The following LHPP variants were observed in gnomAD, a reference collection of about 807,000 sequenced individuals.
The protein encoded by LHPP is hLHPP.
LHPP carries 24 observed loss-of-function variants against 30.3 expected under a neutral mutation model. The observed-to-expected ratio is 0.79, with a 90% confidence interval of 0.57 to 1.11. The LOEUF (loss-of-function observed/expected upper bound fraction) is 1.11. Ranked by LOEUF, LHPP falls within the 50% of genes most tolerant of loss-of-function variation. LHPP has a pLI of 0.00. For synonymous variants in LHPP, 150 were observed against 157.1 expected (o/e 0.95, Z 0.34); for missense variants, 356 against 367.2 (o/e 0.97, Z 0.25).
At chr10:124,611,115 G>A (rs1228162154) in intron 6 of LHPP, among the ~76,000 whole-genome samples, 4 of 151,932 alleles carry the variant, frequency 2.6e-5, no homozygotes, top group African/African-American at 9.7e-5. Flanking sequence ...GCTCATTCAG[G>A]AGCAGCAGAG....
intron 6 of LHPP, among the ~76,000 whole-genome samples, chr10:124,604,975 G>A (rs542140789): frequency 3.3e-5 from 5 of 152,350 alleles, no homozygotes; most frequent in South Asian, 4.1e-4. Flanking sequence ...AGAGCCCCTC[G>A]GGGAGAGGCC....
At chr10:124,530,780 G>A (rs926210330) in intron 6 of LHPP, among the ~76,000 whole-genome samples, 1 of 152,190 alleles carries the variant, frequency 6.6e-6, no homozygotes, top group South Asian at 2.1e-4. Flanking sequence ...CACCCTTCAC[G>A]GGTGCAGACG....
At chr10:124,604,740 A>G (rs35837782) in intron 6 of LHPP, among the ~76,000 whole-genome samples, 96,072 of 152,174 alleles carry the variant, frequency 0.63, 30,618 homozygotes, top group African/African-American at 0.65. Context: ...GCCAGTGCCC[A>G]GATCCCTGAA....
chr10:124,485,395 G>A (rs1953293629), intron 2 of LHPP, among the ~76,000 whole-genome samples: 1 of 151,960 alleles, frequency 6.6e-6, no homozygotes, highest in Admixed American at 6.6e-5. Flanking sequence ...CAGTGAATCA[G>A]ACAAGCAGAC....
intron 6 of LHPP, among the ~76,000 whole-genome samples, chr10:124,579,170 C>T (rs779537083): frequency 3.3e-5 from 5 of 152,202 alleles, no homozygotes; most frequent in Non-Finnish European, 7.3e-5. Context: ...ACGGACAGCC[C>T]CTCTTTAAGG....
rs778152634 is a variant in LHPP, at chr10:124,484,166, G to A, written c.153G>A (p.Arg51=). 1.4e-5 allele frequency: 22 copies of A among 1,614,076 alleles called. No homozygotes were observed. In the Admixed American group the frequency reaches 3.5e-4, roughly 26 times the overall value. The change falls in exon 2 of 7, where the codon AGG becomes AGA. Residue 51 remains arginine, a synonymous_variant. Coordinates refer to ENST00000368842, the MANE Select transcript of LHPP (RefSeq NM_022126.4). ...TGAAGCGTTCCCGGCTGAAGGTGAG[G>A]TTCTGCACCAACGAGTCGCAGAAGT... ...ARLKRSRLKV[R]FCTNESQKSR...
chr10:124,503,410 A>G (rs1005967915), intron 5 of LHPP, among the ~76,000 whole-genome samples: 5 of 152,000 alleles, frequency 3.3e-5, no homozygotes, highest in Non-Finnish European at 7.3e-5. Flanking sequence ...TTCTTCTTCC[A>G]GTATGGTGCA....
At position 124,596,623 on chromosome 10, in the gene LHPP, C is replaced by T. The variant is rs955300601; in HGVS notation, c.717-16641C>T. Reference sequence around the variant, plus strand: ...GCCACTCTTTTCTTGGAACAAGAGCCCTAAACGTGGGACCCTAAACAACAC... The same window carrying T: ...GCCACTCTTTTCTTGGAACAAGAGCTCTAAACGTGGGACCCTAAACAACAC... On this transcript the variant is annotated intron_variant, in intron 6 of 6. Transcript: ENST00000368842. The surrounding 1 kb of genome is among the most constrained non-coding windows in gnomAD (Gnocchi z 4.6). Among the ~76,000 whole-genome samples the T allele has an allele frequency of 3.3e-5, 5 of 152,148 alleles. No individual in the cohort carries two copies. The highest frequency in any genetic ancestry group is 5.9e-5 in the Non-Finnish European group (4 of 68,036).
intron 5 of LHPP, among the ~76,000 whole-genome samples, chr10:124,514,611 A>G (rs1329532535): frequency 6.6e-6 from 1 of 152,172 alleles, no homozygotes; most frequent in Non-Finnish European, 1.5e-5. Flanking sequence ...CTGTTTTATA[A>G]GATTTTCTCC....
At chr10:124,544,543 CTT>C (rs1037508458) in intron 6 of LHPP, among the ~76,000 whole-genome samples, 3 of 63,386 alleles carry the variant, frequency 4.7e-5, no homozygotes, top group African/African-American at 1.1e-4. Flanking sequence ...CCCAAGCTGT[CTT>C]TATTCACCAC....
intron 1 of LHPP, among the ~76,000 whole-genome samples, chr10:124,463,399 G>GT (rs1156486729): frequency 6.6e-6 from 1 of 151,014 alleles, no homozygotes; most frequent in Non-Finnish European, 1.5e-5. Flanking sequence ...TTTTGCTCTT[G>GT]TTGCCCAGGC....
rs547490680 is a variant in LHPP at position 124,513,277 on chromosome 10, C to T, written c.625-3903C>T. On this transcript the variant is annotated intron_variant, in intron 5 of 6. Transcript: ENST00000368842. The stretch of plus-strand genomic sequence containing the variant: ...GTTTCACCATGTTGCCCAGGCTGGT[C>T]TGGAACTCCTGGGCTCAAGTGATCT... Among the ~76,000 whole-genome samples, 416 of 152,072 alleles carry T rather than the reference C, an allele frequency of 2.7e-3. 2 individuals carry two copies. Among genetic ancestry groups the T allele is most frequent in the African/African-American group, 9.8e-3 (405 of 41,470 alleles).
chr10:124,591,249 T>A (rs1337357794), intron 6 of LHPP, among the ~76,000 whole-genome samples: 1 of 152,086 alleles, frequency 6.6e-6, no homozygotes. Flanking sequence ...GGGAGAGGCC[T>A]CAGGGAGAAA....
At chr10:124,528,275 A>C (rs1954796780) in intron 6 of LHPP, among the ~76,000 whole-genome samples, 1 of 152,110 alleles carries the variant, frequency 6.6e-6, no homozygotes, top group Non-Finnish European at 1.5e-5. Flanking sequence ...GGTTCTGTCC[A>C]CCCCGTGGGT....
chr10:124,524,134 C>T (rs1191185196), intron 6 of LHPP, among the ~76,000 whole-genome samples: 3 of 152,144 alleles, frequency 2.0e-5, no homozygotes, highest in Non-Finnish European at 4.4e-5. Flanking sequence ...GTGCAGTCGT[C>T]ACCACAATTT....
intron 6 of LHPP, among the ~76,000 whole-genome samples, chr10:124,597,489 T>A (rs573905979): frequency 1.2e-4 from 18 of 152,334 alleles, no homozygotes; most frequent in African/African-American, 4.3e-4. Context: ...CTCGGGTCTG[T>A]GAGTGGCAGT....
chr10:124,613,148 G>T (rs927786612), intron 6 of LHPP, 116 bp from the exon 7 acceptor site: 1 of 806,308 alleles, frequency 1.2e-6, no homozygotes. Context: ...CTGCCTGGCA[G>T]GACCTGGAGG....
At chr10:124,530,755 G>A (rs1954879798) in intron 6 of LHPP, among the ~76,000 whole-genome samples, 1 of 152,162 alleles carries the variant, frequency 6.6e-6, no homozygotes, top group Non-Finnish European at 1.5e-5. Context: ...TCAGGACACT[G>A]ACCCTCTCCT....
At chr10:124,521,058 C>T (rs1954598305) in intron 6 of LHPP, among the ~76,000 whole-genome samples, 1 of 152,028 alleles carries the variant, frequency 6.6e-6, no homozygotes, top group South Asian at 2.1e-4. Context: ...TCCTCCTGCA[C>T]TGTCCCCTTC....
Sources: allele counts gnomAD v4.1 joint callset (sites outside exome capture counted in the v4.1 genomes callset), GRCh38; gene constraint gnomAD v4.1.1; non-coding constraint Gnocchi (gnomAD v3.1); transcripts MANE v1.5; gene names NCBI Gene and HGNC (gene_info 2026-07-23, HGNC 2026-07-21).